Variants in KCNJ14 observed in about 807,000 individuals in gnomAD.
The protein encoded by KCNJ14 is potassium inwardly rectifying channel subfamily J member 14, also known as ATP-sensitive inward rectifier potassium channel 14.
KCNJ14 carries 18 observed loss-of-function variants against 24.5 expected under a neutral mutation model. The observed-to-expected ratio is 0.74, with a 90% CI of 0.51 to 1.09. The LOEUF (loss-of-function observed/expected upper bound fraction) is 1.09, where lower values mean the gene tolerates loss of function less well. Ranked by LOEUF, KCNJ14 falls within the 50% of genes least tolerant of loss-of-function variation. The pLI, the probability that KCNJ14 is intolerant of heterozygous loss-of-function variation, is 0.00. For synonymous variants in KCNJ14, 288 were observed against 270.8 expected, an observed-to-expected ratio of 1.06 and a Z score of -0.63; for missense variants, 633 against 623.0, an observed-to-expected ratio of 1.02 and a Z score of -0.17.
In KCNJ14 at chr19:48,460,251, TA is replaced by T. The variant is rs200142877; in HGVS notation, c.-55-1418del. 1.4e-3 allele frequency among the ~76,000 whole-genome samples: 210 copies of T among 150,340 alleles called. 1 individual carries two copies. The highest frequency in any genetic ancestry group is 3.2e-3 in the African/African-American group (131 of 41,210). Reference sequence around the variant, plus strand: ...TGGTCTTGGGGAAGTTTTATTTATTTATTTTTTTTGAGACAGAGTTTCACTC... The same window carrying T: ...TGGTCTTGGGGAAGTTTTATTTATTTTTTTTTTTGAGACAGAGTTTCACTC... On this transcript the variant is annotated intron_variant, in intron 1 of 2. Transcript: ENST00000342291.
chr19:48,463,702 A>G (rs959399606), intron 2 of KCNJ14, among the ~76,000 whole-genome samples: 1 of 152,152 alleles, frequency 6.6e-6, no homozygotes. Context: ...GCCACATACT[A>G]AAAGCCATTT....
At chr19:48,458,653 A>T (rs1971561048) in intron 1 of KCNJ14, among the ~76,000 whole-genome samples, 1 of 152,128 alleles carries the variant, frequency 6.6e-6, no homozygotes, top group Non-Finnish European at 1.5e-5. Flanking sequence ...CAAGTGATCC[A>T]GCTTCCTCGG....
chr19:48,455,897 G>T (rs77586652), intron 1 of KCNJ14, 39 bp downstream of exon 1: 2,710 of 152,452 alleles, frequency 0.018, 39 homozygotes, highest in East Asian at 0.051. Context: ...GGGGCTGTGG[G>T]CATGTCGGGA....
At position 48,462,673 on chromosome 19, in the gene KCNJ14, G is replaced by A. The variant is rs1841379278; in HGVS notation, c.714+235G>A. On this transcript the variant is annotated intron_variant, in intron 2 of 2. Coordinates refer to ENST00000342291, the MANE Select transcript of KCNJ14 (RefSeq NM_013348.4). This position sits in a 1 kb window ranked among gnomAD's most constrained non-coding sequence, Gnocchi z 4.9. ...GGATTTGGGGCATACAGAGCTTCCT[G>A]TGGCTTGAGGATTGCCCGCCTGTGG... Among the ~76,000 whole-genome samples the A allele has an allele frequency of 6.6e-6, 1 of 152,224 alleles. No individual in the cohort carries two copies. Among genetic ancestry groups the A allele is most frequent in the Admixed American group, 6.5e-5 (1 of 15,290 alleles).
Position 48,462,169 on chromosome 19 carries a change from G to A in KCNJ14, c.445G>A (p.Gly149Ser). Residue 149 changes from glycine (G) to serine (S), a missense_variant, in exon 2 of 3, where the codon GGC becomes AGC. Transcript: ENST00000342291. This position sits in a 1 kb window ranked among gnomAD's most constrained non-coding sequence, Gnocchi z 4.9. Reference protein sequence around the residue: ...LFALETQTSIGYGVRSVTEEC... With the variant: ...LFALETQTSISYGVRSVTEEC... ...CGCGCTGGAGACGCAGACGTCCATCGGCTACGGCGTGCGCAGCGTCACCGA... is the reference window on the plus strand; with the variant it reads ...CGCGCTGGAGACGCAGACGTCCATCAGCTACGGCGTGCGCAGCGTCACCGA... The A allele has an allele frequency of 1.9e-6, 3 of 1,573,382 alleles. No homozygotes were observed. Among genetic ancestry groups the A allele is most frequent in the Non-Finnish European group, 2.6e-6 (3 of 1,160,316 alleles).
rs1322395802 is a variant in KCNJ14 at position 48,464,273 on chromosome 19, G to GT, written c.808dup (p.Ser270PhefsTer8). On this transcript the variant is annotated frameshift_variant, in exon 3 of 3. Coordinates refer to ENST00000342291, the MANE Select transcript of KCNJ14 (RefSeq NM_013348.4). LOFTEE classifies it high-confidence loss of function. ...GAGGCACCGATCGTATCTTCCTCGT[G>GT]TCCCCCATCACCATCGTCCATGAGA... is the stretch of plus-strand genomic sequence containing the variant. 8 of 1,613,860 alleles carry GT rather than the reference G, an allele frequency of 5.0e-6. No homozygotes were observed. In the African/African-American group the frequency reaches 5.3e-5, roughly 11 times the overall value.
Position 48,464,559 on chromosome 19 carries a change from G to A in KCNJ14, c.1093G>A (p.Glu365Lys), listed in dbSNP as rs144271715. ...AGGGACACCGGTCTGCAGTGCTAAG[G>A]AGCTGGATGAACGGGCAGAGCAGGC... ...VPGTPVCSAK[E>K]LDERAEQASH... is the part of the protein sequence containing the mutation. The change falls in exon 3 of 3, where the codon GAG becomes AAG. Residue 365 changes from glutamate to lysine, a missense_variant. Coordinates refer to ENST00000342291, the MANE Select transcript of KCNJ14 (RefSeq NM_013348.4). The A allele has an allele frequency of 2.9e-4, 475 of 1,614,150 alleles. 1 individual carries two copies. The highest frequency in any genetic ancestry group is 8.2e-4 in the Middle Eastern group (5 of 6,062).
chr19:48,456,932 C>T (rs1358401229), intron 1 of KCNJ14: 1 of 151,488 alleles, frequency 6.6e-6, no homozygotes, highest in Non-Finnish European at 1.5e-5. Context: ...TCACGCATTC[C>T]TCCTGAGTTG....
chr19:48,461,944 C>T lies in KCNJ14; in HGVS notation c.220C>T (p.Leu74=). ...VNLGGQGARY[L]SDLFTTCVDV... ...CCTGGGTGGCCAGGGCGCGCGCTAC[C>T]TGAGCGACCTGTTCACCACATGCGT... Residue 74 remains leucine, a synonymous_variant, in exon 2 of 3, where the codon CTG becomes TTG. Coordinates refer to ENST00000342291, the MANE Select transcript of KCNJ14 (RefSeq NM_013348.4). 2.5e-6 allele frequency: 4 copies of T among 1,612,718 alleles called. No homozygotes were observed. Among genetic ancestry groups the T allele is most frequent in the Non-Finnish European group, 3.4e-6 (4 of 1,179,504 alleles).
At position 48,465,099 on chromosome 19, in the gene KCNJ14, G is replaced by A. The variant is rs1168442063; in HGVS notation, c.*322G>A. 2 of 313,094 alleles carry A rather than the reference G, an allele frequency of 6.4e-6. No homozygotes were observed. 19.4% of individuals were successfully genotyped at this position (313,094 alleles called of 1,614,324 possible). On this transcript the variant is annotated 3_prime_UTR_variant, in exon 3 of 3. Coordinates refer to ENST00000342291, the MANE Select transcript of KCNJ14 (RefSeq NM_013348.4). Reference sequence around the variant, plus strand: ...TGGGGAGACCTGGATTGTTGACCAGGGTGAGAAGCCAATGGTATAGACTGC... The same window carrying A: ...TGGGGAGACCTGGATTGTTGACCAGAGTGAGAAGCCAATGGTATAGACTGC...
chr19:48,461,705 G>A lies in KCNJ14; in HGVS notation c.-20G>A, dbSNP rs376086552. 21 of 1,388,196 alleles carry A rather than the reference G, an allele frequency of 1.5e-5. 1 individual carries two copies. Among genetic ancestry groups the A allele is most frequent in the East Asian group, 5.6e-5 (2 of 35,576 alleles). The allele number at this position is 1,388,196 out of a possible 1,614,324, so 86.0% of individuals were successfully genotyped here. A position where few individuals can be genotyped will look rare whatever the true frequency, so the allele number is the denominator to read the frequency against. ...GCGCCTGCCCCCCACTAGGCCAAGT[G>A]GAGGGGGTCCCTCCGTCCAATGGGC... On this transcript the variant is annotated 5_prime_UTR_variant, in exon 2 of 3. Transcript: ENST00000342291.
At chr19:48,460,395 C>T (rs1299704603) in intron 1 of KCNJ14, among the ~76,000 whole-genome samples, 2 of 152,166 alleles carry the variant, frequency 1.3e-5, no homozygotes, top group African/African-American at 4.8e-5. Flanking sequence ...AGGCATGTGC[C>T]ACCATGCCCG....
At chr19:48,458,094 A>G (rs933366596) in intron 1 of KCNJ14, among the ~76,000 whole-genome samples, 11 of 152,274 alleles carry the variant, frequency 7.2e-5, no homozygotes, top group Admixed American at 4.6e-4. Context: ...TTATTTATTC[A>G]TTAGTTGGTT....
intron 2 of KCNJ14, 102 bp from the exon 3 acceptor site, chr19:48,464,079 G>A: frequency 1.2e-6 from 1 of 822,036 alleles, no homozygotes; most frequent in East Asian, 2.4e-5. Context: ...CTTCACTCCT[G>A]TGGTCTTTGC....
At position 48,464,536 on chromosome 19, in the gene KCNJ14, G is replaced by A; in HGVS notation, c.1070G>A (p.Gly357Glu). ...TTCCATCGCACTTATGAGGTCCCAG[G>A]GACACCGGTCTGCAGTGCTAAGGAG... ...RHFHRTYEVP[G>E]TPVCSAKELD... The change falls in exon 3 of 3, where the codon GGG becomes GAG. Residue 357 changes from glycine (G) to glutamate (E), a missense_variant. By Grantham distance (98) the Gly-to-Glu change is moderately conservative. Coordinates refer to ENST00000342291, the MANE Select transcript of KCNJ14 (RefSeq NM_013348.4). 1 of 1,614,122 alleles carries A rather than the reference G, an allele frequency of 6.2e-7. No individual in the cohort carries two copies. Among genetic ancestry groups the A allele is most frequent in the South Asian group, 1.1e-5 (1 of 91,084 alleles).
At position 48,462,530 on chromosome 19, in the gene KCNJ14, G is replaced by A. The variant is rs1306353859; in HGVS notation, c.714+92G>A. On this transcript the variant is annotated intron_variant, in intron 2 of 2. Coordinates refer to ENST00000342291, the MANE Select transcript of KCNJ14 (RefSeq NM_013348.4). The surrounding 1 kb of genome is among the most constrained non-coding windows in gnomAD (Gnocchi z 4.9). Reference sequence around the variant, plus strand: ...GGGCGAGGGGCGTGCGGTCCTGGAGGGGGCGTGGACTACAACTCCCAGCAG... The same window carrying A: ...GGGCGAGGGGCGTGCGGTCCTGGAGAGGGCGTGGACTACAACTCCCAGCAG... The A allele has an allele frequency of 2.6e-5, 26 of 997,304 alleles. No individual in the cohort carries two copies. The highest frequency in any genetic ancestry group is 3.2e-4 in the Middle Eastern group (1 of 3,132). The allele number at this position is 997,304 out of a possible 1,614,324, so 61.8% of individuals were successfully genotyped here. A position where few individuals can be genotyped will look rare whatever the true frequency, so the allele number is the denominator to read the frequency against.
In KCNJ14 at chr19:48,464,970, T is replaced by C. The variant is rs75513035; in HGVS notation, c.*193T>C. On this transcript the variant is annotated 3_prime_UTR_variant, in exon 3 of 3. Coordinates refer to ENST00000342291, the MANE Select transcript of KCNJ14 (RefSeq NM_013348.4). ...CATACTGGACCTTAATTCCTCTGCT[T>C]CTGTGCTCCCTCCTGAGAACCCTTT... 1.8e-3 allele frequency: 1,040 copies of C among 590,314 alleles called. 6 individuals are homozygous for C. Among genetic ancestry groups the C allele is most frequent in the East Asian group, 8.6e-3 (310 of 35,960 alleles). 36.6% of individuals were successfully genotyped at this position (590,314 alleles called of 1,614,324 possible).
chr19:48,462,361 C>T lies in KCNJ14; in HGVS notation c.637C>T (p.Leu213Phe). 1 of 1,540,302 alleles carries T rather than the reference C, an allele frequency of 6.5e-7. No homozygotes were observed. Among genetic ancestry groups the T allele is most frequent in the Non-Finnish European group, 8.8e-7 (1 of 1,138,466 alleles). The change falls in exon 2 of 3, where the codon CTC becomes TTC. Residue 213 changes from leucine to phenylalanine, a missense_variant. Leu to Phe is a conservative substitution (Grantham distance 22). Transcript: ENST00000342291. This position sits in a 1 kb window ranked among gnomAD's most constrained non-coding sequence, Gnocchi z 4.9. ...CGTCGTGGCGCTGCGCGACCACCGCCTCTGCCTCATGTGGCGCGTCGGCAA... is the reference window on the plus strand; with the variant it reads ...CGTCGTGGCGCTGCGCGACCACCGCTTCTGCCTCATGTGGCGCGTCGGCAA... The part of the protein sequence containing the change: ...NAVVALRDHR[L>F]CLMWRVGNLR...
In KCNJ14 at chr19:48,464,499, G is replaced by A. The variant is rs202154409; in HGVS notation, c.1033G>A (p.Asp345Asn). ...LFQRGSQYEVDYRHFHRTYEV... is the reference protein window; with the variant it reads ...LFQRGSQYEVNYRHFHRTYEV... Reference sequence around the variant, plus strand: ...CCAGCGTGGCTCCCAGTATGAGGTCGACTATCGCCACTTCCATCGCACTTA... The same window carrying A: ...CCAGCGTGGCTCCCAGTATGAGGTCAACTATCGCCACTTCCATCGCACTTA... The change falls in exon 3 of 3, where the codon GAC becomes AAC. Residue 345 changes from aspartate (D) to asparagine (N), a missense_variant. Asp to Asn is a conservative substitution (Grantham distance 23). Transcript: ENST00000342291. 2.3e-5 allele frequency: 37 copies of A among 1,614,104 alleles called. No individual in the cohort carries two copies. The highest frequency in any genetic ancestry group is 8.3e-5 in the Admixed American group (5 of 60,010).
Sources: gnomAD v4.1 joint callset for allele counts (sites outside exome capture counted in the v4.1 genomes callset) on GRCh38, gnomAD v4.1.1 for gene constraint, Gnocchi (gnomAD v3.1) non-coding constraint, MANE v1.5 for transcripts, NCBI Gene and HGNC (gene_info 2026-07-23, HGNC 2026-07-21) for gene names.